The following CTNNA2 variants were observed in gnomAD, a reference collection of about 807,000 sequenced individuals.
CTNNA2 encodes the protein catenin alpha 2.
CTNNA2 carries 42 observed loss-of-function variants against 101.0 expected under a neutral mutation model. The observed-to-expected ratio is 0.42, with a 90% CI of 0.32 to 0.54. The LOEUF (loss-of-function observed/expected upper bound fraction) is 0.54, where lower values mean the gene tolerates loss of function less well. Among genes scored for constraint, CTNNA2 ranks in the 20% least tolerant of loss-of-function variants. The pLI is 0.14. For synonymous variants in CTNNA2, 450 were observed against 456.4 expected (o/e 0.99, Z 0.18); for missense variants, 871 against 1,223.1 (o/e 0.71, Z 4.29).
rs530896945 is a variant in CTNNA2, at chr2:80,397,510, G to A, written c.1137+4219G>A. 5.7e-4 allele frequency among the ~76,000 whole-genome samples: 86 copies of A among 152,178 alleles called. 1 individual carries two copies. The highest frequency in any genetic ancestry group is 1.7e-3 in the African/African-American group (72 of 41,524). ...TGAATCATGGGGGCAGGTCTTTCCC[G>A]TGCCATTCTTGTGATAGTGAATAAG... On this transcript the variant is annotated intron_variant, in intron 8 of 18. Coordinates refer to ENST00000402739, the MANE Select transcript of CTNNA2 (RefSeq NM_001282597.3).
intron 7 of CTNNA2, among the ~76,000 whole-genome samples, chr2:79,983,148 A>G (rs1028303478): frequency 6.7e-6 from 1 of 149,230 alleles, no homozygotes; most frequent in Non-Finnish European, 1.5e-5. Context: ...ATATATATAT[A>G]TTTTGTATAT....
chr2:80,299,370 T>TC (rs1202482313), intron 7 of CTNNA2: 2 of 143,056 alleles, frequency 1.4e-5, no homozygotes, highest in East Asian at 4.6e-4. Context: ...TCCCCCCACC[T>TC]CCCCCCACCA....
At chr2:80,405,528 C>T (rs757350160) in intron 8 of CTNNA2, among the ~76,000 whole-genome samples, 1 of 152,104 alleles carries the variant, frequency 6.6e-6, no homozygotes, top group Non-Finnish European at 1.5e-5. Flanking sequence ...TAATAGGCTT[C>T]GTGTCTAATA....
intron 1 of CTNNA2, among the ~76,000 whole-genome samples, chr2:79,645,637 G>A (rs1189852635): frequency 6.6e-6 from 1 of 152,130 alleles, no homozygotes; most frequent in African/African-American, 2.4e-5. Context: ...GAGATTTCCA[G>A]TGGCATCCCT....
chr2:80,559,690 CA>C (rs1363823643), intron 12 of CTNNA2, among the ~76,000 whole-genome samples: 2 of 152,084 alleles, frequency 1.3e-5, no homozygotes, highest in Non-Finnish European at 2.9e-5. Context: ...GGATCTACAG[CA>C]GACCCATTAA....
chr2:79,471,236 T>G lies in CTNNA2; in HGVS notation c.-134-33818T>G, dbSNP rs114763906. Among the ~76,000 whole-genome samples, 1,019 of 152,300 alleles carry G rather than the reference T, an allele frequency of 6.7e-3. 4 individuals carry two copies. The highest frequency in any genetic ancestry group is 0.013 in the Admixed American group (200 of 15,302). On this transcript the variant is annotated intron_variant, in intron 4 of 21. Transcript: ENST00000466387. ...CATGTGATTATTAGCTGTTGGAATT[T>G]GAATTGCTGCCATTATATGTGTCTC...
intron 7 of CTNNA2, among the ~76,000 whole-genome samples, chr2:80,326,464 G>A (rs1266351025): frequency 9.2e-5 from 14 of 151,990 alleles, no homozygotes; most frequent in Admixed American, 9.2e-4. Flanking sequence ...GTTGTCCTCT[G>A]CCATCCCTGC....
At chr2:79,811,983 A>G (rs1225358631) in intron 3 of CTNNA2, among the ~76,000 whole-genome samples, 2 of 152,188 alleles carry the variant, frequency 1.3e-5, no homozygotes, top group Non-Finnish European at 1.5e-5. Context: ...GCTGTTTTAA[A>G]TGATACTTTT....
At chr2:80,626,440 G>C (rs1671691615) in intron 18 of CTNNA2, among the ~76,000 whole-genome samples, 2 of 152,060 alleles carry the variant, frequency 1.3e-5, no homozygotes, top group Non-Finnish European at 2.9e-5. Flanking sequence ...ACCCTCTAAG[G>C]AGGCTTCCTG....
At chr2:79,189,881 C>T (rs973065342) in intron 1 of CTNNA2, among the ~76,000 whole-genome samples, 1 of 152,018 alleles carries the variant, frequency 6.6e-6, no homozygotes, top group Non-Finnish European at 1.5e-5. Flanking sequence ...AAATATTTTA[C>T]AATAAAGAAT....
At chr2:80,622,311 G>C (rs1671220783) in intron 18 of CTNNA2, among the ~76,000 whole-genome samples, 1 of 151,888 alleles carries the variant, frequency 6.6e-6, no homozygotes, top group South Asian at 2.1e-4. Context: ...ACAGGCAGAG[G>C]AAGGAAAGAG....
At chr2:79,802,625 T>C (rs1192979369) in intron 3 of CTNNA2, among the ~76,000 whole-genome samples, 2 of 152,098 alleles carry the variant, frequency 1.3e-5, no homozygotes, top group Admixed American at 6.5e-5. Flanking sequence ...CTTTCAGGAG[T>C]AGTTGTAGAT....
chr2:80,351,523 C>T, intron 7 of CTNNA2, among the ~76,000 whole-genome samples: 1 of 152,014 alleles, frequency 6.6e-6, no homozygotes, highest in East Asian at 1.9e-4. Context: ...CAATGCTGCC[C>T]GATTGGTGAA....
intron 3 of CTNNA2, among the ~76,000 whole-genome samples, chr2:79,370,264 G>T (rs557607214): frequency 6.6e-6 from 1 of 152,306 alleles, no homozygotes; most frequent in Non-Finnish European, 1.5e-5. Context: ...AAAATTGAAA[G>T]ATCACTCAGA....
At chr2:80,640,585 T>C (rs901685101) in intron 18 of CTNNA2, among the ~76,000 whole-genome samples, 3 of 152,212 alleles carry the variant, frequency 2.0e-5, no homozygotes, top group African/African-American at 7.2e-5. Flanking sequence ...ATATAGACTC[T>C]GGAAAATGTA....
At chr2:80,065,425 C>T (rs1697917146) in intron 7 of CTNNA2, among the ~76,000 whole-genome samples, 1 of 150,130 alleles carries the variant, frequency 6.7e-6, no homozygotes, top group Admixed American at 6.7e-5. Flanking sequence ...GTGGCATGAT[C>T]TCGGCTCACT....
intron 7 of CTNNA2, among the ~76,000 whole-genome samples, chr2:80,245,807 T>TC (rs1296024480): frequency 7.8e-6 from 1 of 129,030 alleles, no homozygotes; most frequent in Non-Finnish European, 1.6e-5. Context: ...TTTTTTTTTT[T>TC]TTTTTTTTTT....
chr2:79,518,608 C>T (rs1184863845), intron 1 of CTNNA2, among the ~76,000 whole-genome samples: 1 of 152,142 alleles, frequency 6.6e-6, no homozygotes, highest in Non-Finnish European at 1.5e-5. Context: ...CAGAAATCAC[C>T]AGAGGATCTG....
chr2:80,538,578 G>T (rs540208270), intron 9 of CTNNA2, among the ~76,000 whole-genome samples: 1 of 152,222 alleles, frequency 6.6e-6, no homozygotes, highest in Admixed American at 6.5e-5. Flanking sequence ...TGTTCCATTG[G>T]TCTATATGTG....
Sources: allele counts gnomAD v4.1 joint callset (sites outside exome capture counted in the v4.1 genomes callset), GRCh38; gene constraint gnomAD v4.1.1; transcripts MANE v1.5; gene names NCBI Gene and HGNC (gene_info 2026-07-23, HGNC 2026-07-21).